WFS1: variants seen among roughly 807,000 people sequenced by gnomAD.
WFS1 encodes wolframin ER transmembrane glycoprotein, also known as wolframin.
WFS1 carries 90 observed loss-of-function variants against 68.5 expected under a neutral mutation model. The observed-to-expected ratio is 1.31, with a 90% CI of 1.11 to 1.56. WFS1 has a LOEUF of 1.56. Ranked by LOEUF, WFS1 falls within the 40% of genes most tolerant of loss-of-function variation. The probability of loss-of-function intolerance (pLI) is 0.00; values close to 1 mark genes in which losing one functional copy is unlikely to be tolerated. For missense variants in WFS1, 1,767 were observed against 1,232.6 expected, an observed-to-expected ratio of 1.43 and a Z score of -6.49; for synonymous variants, 860 against 540.7, an observed-to-expected ratio of 1.59 and a Z score of -8.19.
intron 1 of WFS1, among the ~76,000 whole-genome samples, 191 bp downstream of exon 1, chr4:6,270,205 A>G (rs1422871940): frequency 6.6e-6 from 1 of 151,894 alleles, no homozygotes; most frequent in Non-Finnish European, 1.5e-5. Flanking sequence ...TGCAACGCGC[A>G]AGGCGACCCC....
chr4:6,275,127 G>C (rs1296373000), intron 1 of WFS1, among the ~76,000 whole-genome samples: 1 of 152,230 alleles, frequency 6.6e-6, no homozygotes, highest in Non-Finnish European at 1.5e-5. Flanking sequence ...CATGAGAAAA[G>C]ACAAGTACAG....
chr4:6,301,032 T>G lies in WFS1; in HGVS notation c.1237T>G (p.Phe413Val), dbSNP rs71524356. The change falls in exon 8 of 8, where the codon TTC (phenylalanine) becomes GTC (valine). Residue 413 changes from phenylalanine to valine, a missense_variant. Phe to Val is a conservative substitution (Grantham distance 50). Transcript: ENST00000226760. ...EPYAHFLLSV[F>V]FVIFSFPIAS... ...CTATGCCCATTTCCTGCTCTCTGTC[T>G]TCTTCGTCATCTTCTCCTTCCCCAT... is the stretch of plus-strand genomic sequence containing the variant. The G allele has an allele frequency of 6.2e-5, 100 of 1,614,138 alleles. No individual in the cohort carries two copies. In the Middle Eastern group the frequency reaches 8.2e-4, roughly 13 times the overall value.
rs1443493270 is a variant in WFS1 at position 6,270,498 on chromosome 4, G to T, written c.-6+484G>T. On this transcript the variant is annotated intron_variant, in intron 1 of 7. Transcript: ENST00000226760. Reference sequence around the variant, plus strand: ...GAAGGGGGGTTCAGTCCCCCAGGGGGACCCGGCCCGCCCGAGGGGCAGCTT... The same window carrying T: ...GAAGGGGGGTTCAGTCCCCCAGGGGTACCCGGCCCGCCCGAGGGGCAGCTT... Among the ~76,000 whole-genome samples, 3 of 152,158 alleles carry T rather than the reference G, an allele frequency of 2.0e-5. No homozygotes were observed. The East Asian group carries it at 5.8e-4, about 30-fold the overall frequency.
rs777070911 is a variant in WFS1, at chr4:6,301,943, C to T, written c.2148C>T (p.Ala716=). The T allele has an allele frequency of 5.3e-5, 86 of 1,612,706 alleles. No homozygotes were observed. Among genetic ancestry groups the T allele is most frequent in the South Asian group, 3.6e-4 (33 of 91,078 alleles). Residue 716 remains alanine, a synonymous_variant, in exon 8 of 8, where the codon GCC becomes GCT. Transcript: ENST00000226760. ...YVRVTDIDNS[A]ESAINMLPFF... is the part of the protein sequence containing the mutation. The stretch of plus-strand genomic sequence containing the variant: ...GCGTGACTGACATCGACAACAGCGC[C>T]GAGTCTGCCATCAACATGCTCCCGT...
At chr4:6,294,061 C>A (rs1730554339) in intron 6 of WFS1, among the ~76,000 whole-genome samples, 1 of 152,228 alleles carries the variant, frequency 6.6e-6, no homozygotes, top group African/African-American at 2.4e-5. Context: ...CTTGCACACA[C>A]AGCTGATCCA....
Position 6,302,391 on chromosome 4 carries a change from G to T in WFS1, c.2596G>T (p.Asp866Tyr), listed in dbSNP as rs3821945. Residue 866 changes from aspartate to tyrosine, a missense_variant, in exon 8 of 8, where the codon GAC becomes TAC. Physicochemically the swap from Asp to Tyr is radical, Grantham distance 160. Transcript: ENST00000226760. Reference protein sequence around the residue: ...PTRRHVKIEHDWRSTVHGAVK... With the variant: ...PTRRHVKIEHYWRSTVHGAVK... Reference sequence around the variant, plus strand: ...CAGGCGGCACGTGAAGATCGAGCACGACTGGCGCAGCACCGTGCATGGCGC... The same window carrying T: ...CAGGCGGCACGTGAAGATCGAGCACTACTGGCGCAGCACCGTGCATGGCGC... 1.2e-5 allele frequency: 19 copies of T among 1,613,000 alleles called. No individual in the cohort carries two copies. The Admixed American group carries it at 3.2e-4, about 27-fold the overall frequency.
chr4:6,291,478 C>T, intron 5 of WFS1, 111 bp downstream of exon 5: 2 of 1,426,822 alleles, frequency 1.4e-6, no homozygotes, highest in South Asian at 2.5e-5. Flanking sequence ...GGTCTTCCCA[C>T]AGGAGCCGGG....
intron 1 of WFS1, among the ~76,000 whole-genome samples, chr4:6,275,354 A>C (rs541676394): frequency 6.6e-6 from 1 of 152,312 alleles, no homozygotes; most frequent in South Asian, 2.1e-4. Context: ...CTGTTTGCCC[A>C]CAGCGTGTGG....
chr4:6,287,013 C>T lies in WFS1; in HGVS notation c.233-80C>T, dbSNP rs531272297. The T allele has an allele frequency of 5.1e-4, 657 of 1,285,684 alleles. 1 individual carries two copies. Among genetic ancestry groups the T allele is most frequent in the Non-Finnish European group, 6.8e-4 (618 of 905,424 alleles). 79.6% of individuals were successfully genotyped at this position (1,285,684 alleles called of 1,614,324 possible). On this transcript the variant is annotated intron_variant, in intron 2 of 7. Transcript: ENST00000226760. The surrounding 1 kb of genome is among the most constrained non-coding windows in gnomAD (Gnocchi z 6.4). ...ACAAGCAGCAGCAGATCTGAAGACC[C>T]TCATGCCTTGTCCCCTCCATCCTGA...
intron 1 of WFS1, among the ~76,000 whole-genome samples, chr4:6,276,249 T>C (rs889419552): frequency 1.3e-5 from 2 of 152,172 alleles, no homozygotes; most frequent in Non-Finnish European, 2.9e-5. Flanking sequence ...CCAGGGCCCA[T>C]CCGGGTCCGG....
intron 4 of WFS1, 127 bp downstream of exon 4, chr4:6,289,258 T>A: frequency 7.5e-7 from 1 of 1,331,326 alleles, no homozygotes; most frequent in Non-Finnish European, 1.0e-6. Flanking sequence ...TTTCAGTTTC[T>A]GTTTTGCTGG....
intron 2 of WFS1, among the ~76,000 whole-genome samples, chr4:6,279,545 A>G (rs1430669913): frequency 6.6e-6 from 1 of 152,184 alleles, no homozygotes; most frequent in Non-Finnish European, 1.5e-5. Flanking sequence ...CCAGGCTCAG[A>G]GAAGTGCACA....
At chr4:6,294,145 C>T (rs1212798277) in intron 6 of WFS1, among the ~76,000 whole-genome samples, 1 of 152,208 alleles carries the variant, frequency 6.6e-6, no homozygotes, top group Non-Finnish European at 1.5e-5. Flanking sequence ...AGGGTTTCTG[C>T]AGCACCCTGG....
chr4:6,298,041 ATGTG>A (rs1730684324), intron 7 of WFS1, among the ~76,000 whole-genome samples: 1 of 152,216 alleles, frequency 6.6e-6, no homozygotes, highest in Non-Finnish European at 1.5e-5. Context: ...AGGCAAAAGA[ATGTG>A]CATGGCTTTG....
chr4:6,295,012 C>A, intron 6 of WFS1, 29 bp from the exon 7 acceptor site: 1 of 1,612,710 alleles, frequency 6.2e-7, no homozygotes. Context: ...CAGTGTGGGG[C>A]GCCCATGCTG....
At chr4:6,300,473 G>A (rs368622056) in intron 7 of WFS1, among the ~76,000 whole-genome samples, 184 bp from the exon 8 acceptor site, 8 of 152,148 alleles carry the variant, frequency 5.3e-5, no homozygotes, top group African/African-American at 1.2e-4. Flanking sequence ...CACAGGGACC[G>A]CGAGCATGGG....
At position 6,302,403 on chromosome 4, in the gene WFS1, A is replaced by C. The variant is rs765134318; in HGVS notation, c.2608A>C (p.Thr870Pro). The change falls in exon 8 of 8, where the codon ACC becomes CCC. Residue 870 changes from threonine (T) to proline (P), a missense_variant. Physicochemically the swap from Thr to Pro is conservative, Grantham distance 38 (BLOSUM62 -1). Transcript: ENST00000226760. ...HVKIEHDWRS[T>P]VHGAVKFAFD... is the part of the protein sequence containing the mutation. ...GAAGATCGAGCACGACTGGCGCAGC[A>C]CCGTGCATGGCGCCGTGAAGTTCGC... 3 of 1,613,158 alleles carry C rather than the reference A, an allele frequency of 1.9e-6. No individual in the cohort carries two copies. In the South Asian group the frequency reaches 3.3e-5, roughly 18 times the overall value.
chr4:6,271,776 G>A (rs1167992923), intron 1 of WFS1, among the ~76,000 whole-genome samples: 3 of 152,184 alleles, frequency 2.0e-5, no homozygotes, highest in Admixed American at 6.5e-5. Context: ...CTGGCTGCAC[G>A]CAGCCCTGCT....
At position 6,277,547 on chromosome 4, in the gene WFS1, C is replaced by A. The variant is rs550975729; in HGVS notation, c.92C>A (p.Ala31Asp). 1 of 1,590,016 alleles carries A rather than the reference C, an allele frequency of 6.3e-7. No individual in the cohort carries two copies. Reference sequence around the variant, plus strand: ...GCGCGTTCCCGACTCAATGCCACAGCCTCGTTGGAGCAGGAGAGGAGCGAA... The same window carrying A: ...GCGCGTTCCCGACTCAATGCCACAGACTCGTTGGAGCAGGAGAGGAGCGAA... ...PQARSRLNAT[A>D]SLEQERSERP... The change falls in exon 2 of 8, where the codon GCC becomes GAC. Residue 31 changes from alanine (A) to aspartate (D), a missense_variant. Ala to Asp is a moderately radical substitution (Grantham distance 126). Coordinates refer to ENST00000226760, the MANE Select transcript of WFS1 (RefSeq NM_006005.3).
Sources: allele counts gnomAD v4.1 joint callset (sites outside exome capture counted in the v4.1 genomes callset), GRCh38; gene constraint gnomAD v4.1.1; non-coding constraint Gnocchi (gnomAD v3.1); transcripts MANE v1.5; gene names NCBI Gene and HGNC (gene_info 2026-07-23, HGNC 2026-07-21).